Variants in LRP5 observed in about 807,000 individuals in gnomAD.
The protein encoded by LRP5 is LDL receptor related protein 5, also known as low-density lipoprotein receptor-related protein 5.
Under a neutral mutation model 154.1 loss-of-function variants are expected in LRP5, and 62 were observed. The observed-to-expected ratio is 0.40, with a 90% CI of 0.33 to 0.50. The LOEUF is 0.50. Ranked by LOEUF, LRP5 falls within the 20% of genes least tolerant of loss-of-function variation. The pLI, the probability that LRP5 is intolerant of heterozygous loss-of-function variation, is 0.55. For synonymous variants in LRP5, 966 were observed against 1,011.5 expected, an observed-to-expected ratio of 0.96 and a Z score of 0.85; for missense variants, 1,915 against 2,336.7, an observed-to-expected ratio of 0.82 and a Z score of 3.72.
chr11:68,426,580 A>C (rs903956801), intron 16 of LRP5, among the ~76,000 whole-genome samples: 2 of 151,410 alleles, frequency 1.3e-5, no homozygotes, highest in Admixed American at 1.3e-4. Flanking sequence ...GGTGGGCACC[A>C]CCACACCTGG....
At chr11:68,344,691 G>A (rs1234650052) in intron 1 of LRP5, among the ~76,000 whole-genome samples, 1 of 151,786 alleles carries the variant, frequency 6.6e-6, no homozygotes, top group Non-Finnish European at 1.5e-5. Context: ...CTAGTCCCTG[G>A]TCCCACCATT....
chr11:68,318,742 C>T (rs2098594963), intron 1 of LRP5, among the ~76,000 whole-genome samples: 1 of 152,182 alleles, frequency 6.6e-6, no homozygotes, highest in African/African-American at 2.4e-5. Flanking sequence ...AAGGATATGA[C>T]AACGGCTCCT....
At chr11:68,333,277 T>C (rs959820974) in intron 1 of LRP5, among the ~76,000 whole-genome samples, 3 of 152,178 alleles carry the variant, frequency 2.0e-5, no homozygotes, top group Non-Finnish European at 4.4e-5. Context: ...TCTTCTACCT[T>C]AAGAAATTTC....
intron 2 of LRP5, among the ~76,000 whole-genome samples, chr11:68,352,444 A>G (rs540881062): frequency 6.6e-6 from 1 of 152,370 alleles, no homozygotes; most frequent in African/African-American, 2.4e-5. Flanking sequence ...CCTCGCCACC[A>G]GAAGTCCAGT....
chr11:68,307,336 T>A, the LRP5 span, among the ~76,000 whole-genome samples: 4 of 151,548 alleles, frequency 2.6e-5, no homozygotes, highest in South Asian at 2.1e-4. Flanking sequence ...TTTAGAAAAA[T>A]TTTTTAAAGT....
Position 68,390,000 on chromosome 11 carries a change from A to C in LRP5, c.1532A>C (p.Asp511Ala), listed in dbSNP as rs1245625202. ...GGGTGGCCCAACGGCCTGGCCCTGG[A>C]CCTGCAGGAGGGGAAGCTCTACTGG... ...SLGWPNGLAL[D>A]LQEGKLYWGD... The change falls in exon 7 of 23, where the codon GAC (aspartate) becomes GCC (alanine). Residue 511 changes from aspartate (D) to alanine (A), a missense_variant. Around this residue, in one of 3 missense-constraint regions of LRP5, gnomAD observed 773 missense variants for 1,100.9 expected, o/e 0.70. Coordinates refer to ENST00000294304, the MANE Select transcript of LRP5 (RefSeq NM_002335.4). 4.3e-6 allele frequency: 7 copies of C among 1,614,072 alleles called. No homozygotes were observed. Among genetic ancestry groups the C allele is most frequent in the Non-Finnish European group, 5.9e-6 (7 of 1,180,050 alleles).
At chr11:68,310,016 A>G (rs1284111546), upstream of LRP5, among the ~76,000 whole-genome samples, 1 of 152,276 alleles carries the variant, frequency 6.6e-6, no homozygotes, top group Non-Finnish European at 1.5e-5. Context: ...CACAGGAAAC[A>G]CATCAGGGAA....
At chr11:68,411,233 A>T (rs1024382846) in intron 10 of LRP5, among the ~76,000 whole-genome samples, 2 of 152,176 alleles carry the variant, frequency 1.3e-5, no homozygotes, top group African/African-American at 4.8e-5. Context: ...GAATTCAGGG[A>T]GGTGGCGCAG....
chr11:68,327,100 G>T (rs545978877), intron 1 of LRP5, among the ~76,000 whole-genome samples: 27 of 152,344 alleles, frequency 1.8e-4, no homozygotes, highest in African/African-American at 6.0e-4. Context: ...GCCCCAGCAG[G>T]TGGGGGCCTG....
intron 1 of LRP5, among the ~76,000 whole-genome samples, chr11:68,327,659 T>G (rs1350663949): frequency 6.6e-6 from 1 of 152,198 alleles, no homozygotes; most frequent in East Asian, 1.9e-4. Flanking sequence ...CTATGAGGAC[T>G]GAGTGAAGTC....
chr11:68,428,391 C>T (rs906800733), intron 16 of LRP5, among the ~76,000 whole-genome samples: 7 of 152,090 alleles, frequency 4.6e-5, no homozygotes, highest in African/African-American at 1.4e-4. Flanking sequence ...AAATGGATTC[C>T]CCCAATGTGC....
chr11:68,357,518 C>T, intron 2 of LRP5, 132 bp from the exon 3 acceptor site: 1 of 818,446 alleles, frequency 1.2e-6, no homozygotes, highest in Non-Finnish European at 2.1e-6. Flanking sequence ...TGAAACCATA[C>T]CTGTTGGTTA....
At chr11:68,407,662 G>A (rs1484410435) in intron 9 of LRP5, among the ~76,000 whole-genome samples, 2 of 137,898 alleles carry the variant, frequency 1.5e-5, no homozygotes, top group African/African-American at 5.2e-5. Flanking sequence ...CCCACGTGGA[G>A]AAACCCCGTC....
intron 5 of LRP5, among the ~76,000 whole-genome samples, chr11:68,372,340 G>C (rs1591242051): frequency 5.4e-4 from 48 of 89,226 alleles, no homozygotes; most frequent in Middle Eastern, 0.012. Flanking sequence ...CCGGGACTGT[G>C]GTGGTGGTGA....
At chr11:68,314,336 T>C (rs2098591336) in intron 1 of LRP5, among the ~76,000 whole-genome samples, 1 of 152,146 alleles carries the variant, frequency 6.6e-6, no homozygotes, top group African/African-American at 2.4e-5. Flanking sequence ...ATTATAGCTG[T>C]AGAGTTCAGT....
chr11:68,323,456 G>C (rs2098597905), intron 1 of LRP5, among the ~76,000 whole-genome samples: 2 of 150,672 alleles, frequency 1.3e-5, no homozygotes, highest in African/African-American at 4.9e-5. Context: ...CTGTTACCCA[G>C]GCTGGAGTGC....
At chr11:68,416,239 G>T in intron 12 of LRP5, 89 bp from the exon 13 acceptor site, 2 of 1,140,202 alleles carry the variant, frequency 1.8e-6, no homozygotes, top group Non-Finnish European at 1.3e-6. Flanking sequence ...ATGCTGAGCC[G>T]CCTGTTGTCG....
At chr11:68,356,974 C>T (rs572416595) in intron 2 of LRP5, among the ~76,000 whole-genome samples, 6 of 148,610 alleles carry the variant, frequency 4.0e-5, no homozygotes, top group South Asian at 2.1e-4. Context: ...CTCGCTCTGT[C>T]GCCCAGGATG....
intron 1 of LRP5, among the ~76,000 whole-genome samples, chr11:68,347,453 A>G (rs312782): frequency 0.47 from 71,116 of 152,076 alleles, 18,687 homozygotes; most frequent in African/African-American, 0.69. Context: ...GCATGTCCCC[A>G]TCCCCTGTGT....
Sources: gnomAD v4.1 joint callset for allele counts (sites outside exome capture counted in the v4.1 genomes callset) on GRCh38, gnomAD v4.1.1 for gene constraint, gnomAD v4.1.1 regional missense constraint, MANE v1.5 for transcripts, NCBI Gene and HGNC (gene_info 2026-07-23, HGNC 2026-07-21) for gene names.